The following UBE2W variants were observed in gnomAD, a reference collection of about 807,000 sequenced individuals.
The protein encoded by UBE2W is ubiquitin-conjugating enzyme E2 W.
A neutral mutation model predicts 27.2 loss-of-function variants in UBE2W; 18 were observed. That is an observed-to-expected ratio of 0.66 (90% CI 0.46 to 0.98). The LOEUF (loss-of-function observed/expected upper bound fraction) is 0.98. Among genes scored for constraint, UBE2W ranks in the 50% least tolerant of loss-of-function variants. UBE2W has a pLI of 0.00. For synonymous variants in UBE2W, 53 were observed against 57.2 expected, an observed-to-expected ratio of 0.93 and a Z score of 0.33; for missense variants, 90 against 180.2, an observed-to-expected ratio of 0.50 and a Z score of 2.87.
Position 73,787,488 on chromosome 8 carries a change from A to T in UBE2W, c.*6614T>A, listed in dbSNP as rs928653340. ...TCATATATTTATCTAACCATCTACT[A>T]ACATAGTTGTGTAGGACGGCAGGAA... On this transcript the variant is annotated 3_prime_UTR_variant, in exon 6 of 6. Transcript: ENST00000602593. 3.0e-6 allele frequency: 3 copies of T among 985,450 alleles called. No individual in the cohort carries two copies. The highest frequency in any genetic ancestry group is 3.6e-6 in the Non-Finnish European group (3 of 829,914). The allele number at this position is 985,450 out of a possible 1,614,324, so 61.0% of individuals were successfully genotyped here.
At chr8:73,858,433 T>C (rs1811395434) in intron 1 of UBE2W, among the ~76,000 whole-genome samples, 1 of 151,116 alleles carries the variant, frequency 6.6e-6, no homozygotes, top group Middle Eastern at 3.4e-3. Context: ...TTAAGAAATA[T>C]GAAAAGTACA....
chr8:73,781,929 C>CTTTTTTTTTTT (rs71269945), downstream of UBE2W, among the ~76,000 whole-genome samples: 1 of 96,012 alleles, frequency 1.0e-5, no homozygotes, highest in African/African-American at 3.8e-5. Flanking sequence ...TAAAAGCCTC[C>CTTTTTTTTTTT]TTTTTTTTTT....
intron 1 of UBE2W, among the ~76,000 whole-genome samples, chr8:73,852,090 T>C (rs939346765): frequency 7.3e-5 from 11 of 151,246 alleles, no homozygotes; most frequent in Admixed American, 4.6e-4. Flanking sequence ...GCAATACAGA[T>C]AGCTGGTCTG....
chr8:73,781,374 A>G (rs750064788), downstream of UBE2W, among the ~76,000 whole-genome samples: 2 of 151,908 alleles, frequency 1.3e-5, no homozygotes, highest in African/African-American at 2.4e-5. Context: ...TTTCACTATC[A>G]TTGCTACCTA....
At chr8:73,805,459 AAAAAAAAAAAAAC>A (rs1808842811) in intron 5 of UBE2W, among the ~76,000 whole-genome samples, 179 bp downstream of exon 5, 1 of 134,512 alleles carries the variant, frequency 7.4e-6, no homozygotes, top group African/African-American at 2.7e-5. Context: ...CATCTCAAAA[AAAAAAAAAAAAAC>A]AAAAAAAACT....
chr8:73,832,676 C>A lies in UBE2W; in HGVS notation c.16-2204G>T, dbSNP rs538726332. ...GAACTGCTTGTGACCAGAACTGTTT[C>A]GGATTTACTGGTTGAGCATCCCAAA... On this transcript the variant is annotated intron_variant, in intron 1 of 5. Transcript: ENST00000602593. 5.9e-5 allele frequency among the ~76,000 whole-genome samples: 9 copies of A among 152,264 alleles called. No homozygotes were observed. In the South Asian group the frequency reaches 1.9e-3, roughly 32 times the overall value.
chr8:73,801,423 C>A (rs1808639132), intron 5 of UBE2W, among the ~76,000 whole-genome samples: 1 of 152,158 alleles, frequency 6.6e-6, no homozygotes, highest in Middle Eastern at 3.2e-3. Flanking sequence ...TAAAAAAACT[C>A]ATCTTCTAAA....
chr8:73,842,771 T>C (rs1323512658), intron 1 of UBE2W, among the ~76,000 whole-genome samples: 1 of 152,174 alleles, frequency 6.6e-6, no homozygotes, highest in Non-Finnish European at 1.5e-5. Flanking sequence ...CTGTTTGCAC[T>C]ACATGCCTTT....
chr8:73,822,347 C>CT (rs1326824359), intron 3 of UBE2W, among the ~76,000 whole-genome samples: 1 of 152,082 alleles, frequency 6.6e-6, no homozygotes, highest in Non-Finnish European at 1.5e-5. Context: ...AAGGTGACCG[C>CT]TTCCACCTTT....
At chr8:73,860,951 T>C (rs570534241) in intron 1 of UBE2W, among the ~76,000 whole-genome samples, 1 of 151,936 alleles carries the variant, frequency 6.6e-6, no homozygotes, top group African/African-American at 2.4e-5. Flanking sequence ...TGGGCAACAT[T>C]ACAAAAAATT....
At chr8:73,842,089 C>G (rs912452842) in intron 1 of UBE2W, among the ~76,000 whole-genome samples, 8 of 152,204 alleles carry the variant, frequency 5.3e-5, no homozygotes, top group African/African-American at 1.9e-4. Context: ...CAAGTTCTGT[C>G]CTTTGAGGCA....
intron 3 of UBE2W, among the ~76,000 whole-genome samples, chr8:73,811,001 CA>C (rs577210362): frequency 1.3e-5 from 2 of 152,048 alleles, no homozygotes; most frequent in Non-Finnish European, 2.9e-5. Context: ...GATAAAATTC[CA>C]AACAAAAATA....
At chr8:73,810,436 G>T in intron 4 of UBE2W, 38 bp downstream of exon 4, 1 of 1,562,758 alleles carries the variant, frequency 6.4e-7, no homozygotes, top group Admixed American at 1.9e-5. Flanking sequence ...CTAACTGAAA[G>T]AAGAGATATT....
chr8:73,848,760 C>G (rs537172197), intron 1 of UBE2W, among the ~76,000 whole-genome samples: 1 of 152,088 alleles, frequency 6.6e-6, no homozygotes, highest in African/African-American at 2.4e-5. Flanking sequence ...TGCTTAGGAA[C>G]GGACATAAGG....
At chr8:73,851,962 TTAAA>T (rs1811101450) in intron 1 of UBE2W, among the ~76,000 whole-genome samples, 1 of 140,384 alleles carries the variant, frequency 7.1e-6, no homozygotes, top group African/African-American at 2.8e-5. Flanking sequence ...TTTTTTTTTT[TTAAA>T]AAAAAAAAAA....
intron 5 of UBE2W, among the ~76,000 whole-genome samples, chr8:73,802,927 G>A (rs1420877755): frequency 1.3e-5 from 2 of 152,198 alleles, no homozygotes; most frequent in Non-Finnish European, 2.9e-5. Context: ...GGAGGCTGAG[G>A]CAGGAGAATG....
At chr8:73,846,557 T>C (rs1364653854) in intron 1 of UBE2W, among the ~76,000 whole-genome samples, 1 of 152,246 alleles carries the variant, frequency 6.6e-6, no homozygotes, top group Non-Finnish European at 1.5e-5. Flanking sequence ...TTTTTAGGAA[T>C]ACTGCAATCT....
In UBE2W at chr8:73,788,190, T is replaced by G. The variant is rs758864086; in HGVS notation, c.*5912A>C. Reference sequence around the variant, plus strand: ...TTCCATAAAGCAAAGTAATCTGCATTCAACTAACAAGTCTGATACATGTAT... The same window carrying G: ...TTCCATAAAGCAAAGTAATCTGCATGCAACTAACAAGTCTGATACATGTAT... On this transcript the variant is annotated 3_prime_UTR_variant, in exon 6 of 6. Coordinates refer to ENST00000602593, the MANE Select transcript of UBE2W (RefSeq NM_018299.6). The G allele has an allele frequency of 2.4e-5, 23 of 958,286 alleles. No homozygotes were observed. Among genetic ancestry groups the G allele is most frequent in the Non-Finnish European group, 2.9e-5 (23 of 805,570 alleles). The allele number at this position is 958,286 out of a possible 1,614,324, so 59.4% of individuals were successfully genotyped here.
Position 73,878,799 on chromosome 8 carries a change from T to C in UBE2W, c.15+9A>G. 6.5e-7 allele frequency: 1 copy of C among 1,548,482 alleles called. No individual in the cohort carries two copies. The highest frequency in any genetic ancestry group is 8.7e-7 in the Non-Finnish European group (1 of 1,144,980). On this transcript the variant is annotated intron_variant, in intron 1 of 5. Coordinates refer to ENST00000602593, the MANE Select transcript of UBE2W (RefSeq NM_018299.6). The stretch of plus-strand genomic sequence containing the variant: ...CCTGGCCCGCCCAGATGCAGCAAAC[T>C]CCTCTCACCTGCATTGACGCCATGA...
Sources: gnomAD v4.1 joint callset for allele counts (sites outside exome capture counted in the v4.1 genomes callset) on GRCh38, gnomAD v4.1.1 for gene constraint, MANE v1.5 for transcripts, NCBI Gene and HGNC (gene_info 2026-07-23, HGNC 2026-07-21) for gene names.